TAF5L: variants seen among roughly 807,000 people sequenced by gnomAD.
The protein encoded by TAF5L is TAF5-like RNA polymerase II p300/CBP-associated factor-associated factor 65 kDa subunit 5L.
A neutral mutation model predicts 51.3 loss-of-function variants in TAF5L; 7 were observed. The ratio of observed to expected loss-of-function variants is 0.14; its 90% CI spans 0.08 to 0.26. TAF5L has a LOEUF of 0.26. TAF5L is among the 10% of genes least tolerant of loss of function. The pLI is 1.00. For synonymous variants in TAF5L, 291 were observed against 308.1 expected (o/e 0.94, Z 0.58); for missense variants, 575 against 758.9 (o/e 0.76, Z 2.85).
At chr1:229,611,020 C>T (rs894383234) in intron 2 of TAF5L, among the ~76,000 whole-genome samples, 5 of 152,168 alleles carry the variant, frequency 3.3e-5, no homozygotes, top group East Asian at 3.9e-4. Context: ...GGCTGTCTTA[C>T]GGTGAGGCAC....
At chr1:229,610,833 T>G (rs1664760762) in intron 2 of TAF5L, among the ~76,000 whole-genome samples, 1 of 152,244 alleles carries the variant, frequency 6.6e-6, no homozygotes, top group African/African-American at 2.4e-5. Flanking sequence ...TTTTTATTTT[T>G]TACTATCATG....
rs1390472971 is a variant in TAF5L, at chr1:229,614,549, T to A, written c.-3-64A>T. Reference sequence around the variant, plus strand: ...GGCCTGGGAGAGCAACCTATCTAACTGCACCATCGCAGATGGGTAGGACAC... The same window carrying A: ...GGCCTGGGAGAGCAACCTATCTAACAGCACCATCGCAGATGGGTAGGACAC... On this transcript the variant is annotated intron_variant, in intron 1 of 4. Transcript: ENST00000258281. 3.8e-6 allele frequency: 6 copies of A among 1,588,428 alleles called. No homozygotes were observed. In the East Asian group the frequency reaches 1.3e-4, roughly 36 times the overall value.
intron 4 of TAF5L, chr1:229,601,581 G>T (rs190385630): frequency 4.1e-6 from 4 of 985,986 alleles, no homozygotes; most frequent in Non-Finnish European, 4.8e-6. Context: ...TGACTGACGG[G>T]GGGAGGGGAG....
chr1:229,614,371 T>G, exon 2 of TAF5L: 1 of 1,614,208 alleles, frequency 6.2e-7, no homozygotes, highest in Non-Finnish European at 8.5e-7. Context: ...TCTTCAGCAG[T>G]CTGTGACAGC....
At chr1:229,626,020 C>T (rs1055248951) in exon 1 of TAF5L, 1 of 150,524 alleles carries the variant, frequency 6.6e-6, no homozygotes, top group South Asian at 1.8e-4. Context: ...CGCGCCCCGC[C>T]GCCCCCGCCG....
At chr1:229,616,162 C>A (rs745471794) in intron 1 of TAF5L, among the ~76,000 whole-genome samples, 2 of 151,916 alleles carry the variant, frequency 1.3e-5, no homozygotes, top group African/African-American at 2.4e-5. Context: ...TACAGGCCCA[C>A]GCTACCACAC....
chr1:229,604,995 T>C (rs997835963), intron 3 of TAF5L, among the ~76,000 whole-genome samples: 1 of 152,180 alleles, frequency 6.6e-6, no homozygotes, highest in African/African-American at 2.4e-5. Flanking sequence ...TGGAGTACAG[T>C]GGCGCGATCT....
chr1:229,597,702 T>C lies in TAF5L; in HGVS notation c.973-2608A>G, dbSNP rs1664177984. 1.3e-5 allele frequency among the ~76,000 whole-genome samples: 2 copies of C among 152,218 alleles called. 1 individual carries two copies. The highest frequency in any genetic ancestry group is 4.1e-4 in the South Asian group (2 of 4,832). The stretch of plus-strand genomic sequence containing the variant: ...ATCCCAAATAGAAATGTTTAATTTG[T>C]AAAGCATATTCATGTAATAATAAAT... On this transcript the variant is annotated intron_variant, in intron 4 of 4. Transcript: ENST00000258281.
At chr1:229,605,106 A>ATGTATGTG (rs1664536357) in intron 3 of TAF5L, among the ~76,000 whole-genome samples, 1 of 117,854 alleles carries the variant, frequency 8.5e-6, no homozygotes, top group African/African-American at 2.9e-5. Flanking sequence ...TAATTTTTGT[A>ATGTATGTG]TGTATATATA....
intron 3 of TAF5L, among the ~76,000 whole-genome samples, chr1:229,609,038 T>C (rs978178236): frequency 5.9e-5 from 9 of 152,178 alleles, no homozygotes; most frequent in Non-Finnish European, 1.2e-4. Context: ...CTGGCTTCTT[T>C]GAGCCTGTCT....
Position 229,594,940 on chromosome 1 carries a change from T to C in TAF5L, c.1127A>G (p.Asn376Ser). ...GGCATGTCCTTGGTACAACACAGTG[T>C]TGGTGAAACTCCCCAGATCCCAGTA... Residue 376 changes from asparagine to serine, a missense_variant, in exon 5 of 5, where the codon AAC (asparagine) becomes AGC (serine). This residue lies in a region of TAF5L where 104 missense variants were observed against 218.3 expected (regional missense o/e 0.48). Transcript: ENST00000258281. The surrounding 1 kb of genome is among the most constrained non-coding windows in gnomAD (Gnocchi z 7.9). 1 of 1,614,146 alleles carries C rather than the reference T, an allele frequency of 6.2e-7. No homozygotes were observed. Among genetic ancestry groups the C allele is most frequent in the South Asian group, 1.1e-5 (1 of 91,074 alleles).
At chr1:229,603,746 C>T (rs999875174) in intron 3 of TAF5L, among the ~76,000 whole-genome samples, 16 of 152,292 alleles carry the variant, frequency 1.1e-4, no homozygotes, top group Admixed American at 9.1e-4. Context: ...AAAAGGTGTA[C>T]AGCTTGAATT....
At chr1:229,606,819 T>A (rs758000501) in intron 3 of TAF5L, 58 of 985,474 alleles carry the variant, frequency 5.9e-5, no homozygotes, top group Non-Finnish European at 6.9e-5. Context: ...CTACACCTCC[T>A]GAAGAATAGG....
At chr1:229,604,086 A>T (rs902051807) in intron 3 of TAF5L, among the ~76,000 whole-genome samples, 1 of 152,182 alleles carries the variant, frequency 6.6e-6, no homozygotes, top group African/African-American at 2.4e-5. Context: ...TAATAAGCAT[A>T]AAGGTTTTAG....
intron 1 of TAF5L, among the ~76,000 whole-genome samples, chr1:229,620,564 A>G (rs1276089184): frequency 6.6e-6 from 1 of 152,208 alleles, no homozygotes; most frequent in African/African-American, 2.4e-5. Flanking sequence ...TTCCCTGAGG[A>G]CAGGCCTTAT....
At chr1:229,615,474 G>T (rs922842549) in intron 1 of TAF5L, among the ~76,000 whole-genome samples, 1 of 152,084 alleles carries the variant, frequency 6.6e-6, no homozygotes, top group African/African-American at 2.4e-5. Context: ...AACACTAAGA[G>T]GGTATGTATA....
At chr1:229,623,094 T>C (rs565807302) in intron 1 of TAF5L, among the ~76,000 whole-genome samples, 1 of 152,232 alleles carries the variant, frequency 6.6e-6, no homozygotes, top group East Asian at 1.9e-4. Context: ...CTGGTCAACA[T>C]GGTGAAATCC....
Position 229,605,975 on chromosome 1 carries a change from T to A in TAF5L, c.248-3056A>T, listed in dbSNP as rs12095889. 6.6e-3 allele frequency: 2,157 copies of A among 324,932 alleles called. 48 individuals carry two copies. Among genetic ancestry groups the A allele is most frequent in the African/African-American group, 0.045 (2,019 of 44,686 alleles). The allele number at this position is 324,932 out of a possible 1,614,324, so 20.1% of individuals were successfully genotyped here. ...ATTTTGGTTTTTCTTTTCCCTTTGT[T>A]TTTTATTGGGATGAAGGATTGTTTT... On this transcript the variant is annotated intron_variant, in intron 3 of 4. Coordinates refer to ENST00000258281, the Ensembl canonical transcript of TAF5L.
In TAF5L at chr1:229,602,515, T is replaced by C. The variant is rs1664418478; in HGVS notation, c.652A>G (p.Ser218Gly). 6.2e-7 allele frequency: 1 copy of C among 1,614,158 alleles called. No homozygotes were observed. The highest frequency in any genetic ancestry group is 8.5e-7 in the Non-Finnish European group (1 of 1,180,006). Reference sequence around the variant, plus strand: ...GGGGGCTCCAAACCGTTGTTCTCACTGCGGGAGGAGCTGCCACTGGCATAC... The same window carrying C: ...GGGGGCTCCAAACCGTTGTTCTCACCGCGGGAGGAGCTGCCACTGGCATAC... The change falls in exon 4 of 5, where the codon AGT becomes GGT. Residue 218 changes from serine (S) to glycine (G), a missense_variant. By Grantham distance (56) the Ser-to-Gly change is moderately conservative (BLOSUM62 0). Around this residue, in one of 3 missense-constraint regions of TAF5L, gnomAD observed 380 missense variants for 443.7 expected, o/e 0.86. Coordinates refer to ENST00000258281, the Ensembl canonical transcript of TAF5L. This position sits in a 1 kb window ranked among gnomAD's most constrained non-coding sequence, Gnocchi z 4.6.
Sources: gnomAD v4.1 joint callset for allele counts (sites outside exome capture counted in the v4.1 genomes callset) on GRCh38, gnomAD v4.1.1 for gene constraint, gnomAD v4.1.1 regional missense constraint, Gnocchi (gnomAD v3.1) non-coding constraint, MANE v1.5 for transcripts, NCBI Gene and HGNC (gene_info 2026-07-23, HGNC 2026-07-21) for gene names.